The following PDIA4 variants were observed in gnomAD, a reference collection of about 807,000 sequenced individuals.
The protein encoded by PDIA4 is protein disulfide isomerase family A member 4.
Under a neutral mutation model 62.1 loss-of-function variants are expected in PDIA4, and 33 were observed. That is an observed-to-expected ratio of 0.53 (90% CI 0.40 to 0.71). The LOEUF is 0.71. PDIA4 is among the 30% of genes least tolerant of loss of function. The pLI is 0.00. For missense variants in PDIA4, 804 were observed against 813.6 expected, an observed-to-expected ratio of 0.99 and a Z score of 0.14; for synonymous variants, 341 against 324.1, an observed-to-expected ratio of 1.05 and a Z score of -0.56.
At chr7:149,011,657 C>A (rs1823948768) in intron 6 of PDIA4, among the ~76,000 whole-genome samples, 189 bp downstream of exon 6, 1 of 152,172 alleles carries the variant, frequency 6.6e-6, no homozygotes, top group African/African-American at 2.4e-5. Context: ...GCACCGAGGC[C>A]AGGAGGGCCA....
At chr7:149,018,026 G>A (rs184883649) in intron 3 of PDIA4, among the ~76,000 whole-genome samples, 55 of 152,280 alleles carry the variant, frequency 3.6e-4, no homozygotes, top group African/African-American at 1.3e-3. Flanking sequence ...TCAGGAGATC[G>A]AGACCATCCT....
chr7:149,023,815 G>A (rs1824441754), intron 1 of PDIA4, among the ~76,000 whole-genome samples: 1 of 152,138 alleles, frequency 6.6e-6, no homozygotes, highest in Admixed American at 6.5e-5. Flanking sequence ...AAACAAAGAC[G>A]TCTTCTTACC....
chr7:149,017,775 C>T (rs1824195247), intron 3 of PDIA4, among the ~76,000 whole-genome samples: 1 of 151,854 alleles, frequency 6.6e-6, no homozygotes. Context: ...TAATAAAATG[C>T]ATGTAGTGTC....
At chr7:149,023,833 G>A (rs982904264) in intron 1 of PDIA4, among the ~76,000 whole-genome samples, 4 of 152,106 alleles carry the variant, frequency 2.6e-5, no homozygotes, top group East Asian at 1.9e-4. Flanking sequence ...ACCTATGGTC[G>A]GCCTCAAGTG....
At chr7:149,006,644 G>A (rs1823767152) in intron 7 of PDIA4, among the ~76,000 whole-genome samples, 1 of 152,208 alleles carries the variant, frequency 6.6e-6, no homozygotes, top group Non-Finnish European at 1.5e-5. Flanking sequence ...CTGGTGAGAA[G>A]GGAGCAGAAG....
At chr7:149,007,313 C>T (rs1398700359) in intron 7 of PDIA4, among the ~76,000 whole-genome samples, 1 of 152,152 alleles carries the variant, frequency 6.6e-6, no homozygotes, top group African/African-American at 2.4e-5. Context: ...CTGTCACACC[C>T]CCTGCTCCAG....
rs1189129272 is a variant in PDIA4 at position 149,014,957 on chromosome 7, A to G, written c.561T>C (p.Phe187=). 5 of 1,614,134 alleles carry G rather than the reference A, an allele frequency of 3.1e-6. No individual in the cohort carries two copies. The East Asian group carries it at 6.7e-5, about 22-fold the overall frequency. ...TATCTGCATCATTCACAACTTCATC[A>G]AAGTTCTCTTTGGTCAACACAAGCG... ...EVTLVLTKEN[F]DEVVNDADII... The change falls in exon 4 of 10, where the codon TTT becomes TTC. Residue 187 remains phenylalanine (F), a synonymous_variant. Transcript: ENST00000652332.
At chr7:149,006,459 G>A (rs1434121166) in intron 7 of PDIA4, among the ~76,000 whole-genome samples, 2 of 152,208 alleles carry the variant, frequency 1.3e-5, no homozygotes, top group Non-Finnish European at 2.9e-5. Context: ...ACTTCACAAC[G>A]ACTGGAGTCC....
chr7:149,020,202 C>T (rs1175132529), intron 2 of PDIA4, among the ~76,000 whole-genome samples: 1 of 152,210 alleles, frequency 6.6e-6, no homozygotes, highest in Non-Finnish European at 1.5e-5. Flanking sequence ...CTCAAGTGAT[C>T]TGCCCGCCTT....
At chr7:149,015,476 C>T (rs1229254902) in intron 3 of PDIA4, among the ~76,000 whole-genome samples, 6 of 124,642 alleles carry the variant, frequency 4.8e-5, no homozygotes, top group Non-Finnish European at 1.6e-5. Flanking sequence ...ATATTACATA[C>T]GTCATAAGAT....
At chr7:149,007,080 G>C (rs1004697743) in intron 7 of PDIA4, among the ~76,000 whole-genome samples, 8 of 152,110 alleles carry the variant, frequency 5.3e-5, no homozygotes, top group Non-Finnish European at 1.0e-4. Flanking sequence ...AAGTGAAGCT[G>C]GGGGGAGGGG....
intron 6 of PDIA4, among the ~76,000 whole-genome samples, chr7:149,011,593 G>A (rs111462269): frequency 6.6e-6 from 1 of 152,138 alleles, no homozygotes; most frequent in Non-Finnish European, 1.5e-5. Context: ...TGCCCTCCTC[G>A]GGCTCTGGAA....
Position 149,003,959 on chromosome 7 carries a change from G to A in PDIA4, c.1773C>T (p.Pro591=). ...AGCCCTCCACCTTATAGCGGTCGCT[G>A]GGGACGTCGTTGGCAGTGGCGTCCA... The part of the protein sequence containing the change: ...AKMDATANDV[P]SDRYKVEGFP... Residue 591 remains proline (P), a synonymous_variant, in exon 10 of 10, where the codon CCC becomes CCT. Transcript: ENST00000652332. 2.5e-6 allele frequency: 4 copies of A among 1,613,294 alleles called. No individual in the cohort carries two copies. Among genetic ancestry groups the A allele is most frequent in the Non-Finnish European group, 3.4e-6 (4 of 1,179,400 alleles).
intron 1 of PDIA4, among the ~76,000 whole-genome samples, chr7:149,022,296 G>C (rs990857163): frequency 1.3e-5 from 2 of 152,104 alleles, no homozygotes; most frequent in African/African-American, 4.8e-5. Context: ...GAAATTGATG[G>C]GGTCAACATG....
At chr7:149,020,497 GT>G (rs898848919) in intron 2 of PDIA4, among the ~76,000 whole-genome samples, 7 of 152,164 alleles carry the variant, frequency 4.6e-5, no homozygotes, top group Non-Finnish European at 1.0e-4. Context: ...TGCCTGACTG[GT>G]CCCCCCGCAG....
intron 3 of PDIA4, among the ~76,000 whole-genome samples, chr7:149,017,597 C>T (rs1824182552): frequency 8.2e-6 from 1 of 122,416 alleles, no homozygotes; most frequent in South Asian, 3.1e-4. Context: ...AAATTAAATA[C>T]ATTTTATCAA....
At position 149,005,934 on chromosome 7, in the gene PDIA4, G is replaced by A. The variant is rs760552379; in HGVS notation, c.1251C>T (p.Val417=). Reference sequence around the variant, plus strand: ...CAAAGCTGAAGTCCACACTGTAGTAGACGACCACCAGGGGGCGCCTGGTGT... The same window carrying A: ...CAAAGCTGAAGTCCACACTGTAGTAAACGACCACCAGGGGGCGCCTGGTGT... ...KRYTRRPLVV[V]YYSVDFSFDY... Residue 417 remains valine (V), a synonymous_variant, in exon 8 of 10, where the codon GTC becomes GTT. Coordinates refer to ENST00000652332, the MANE Select transcript of PDIA4 (RefSeq NM_004911.5). 2.6e-6 allele frequency: 4 copies of A among 1,535,266 alleles called. No homozygotes were observed. The East Asian group carries it at 7.6e-5, about 29-fold the overall frequency.
intron 8 of PDIA4, 76 bp from the exon 9 acceptor site, chr7:149,005,450 A>C: frequency 2.2e-6 from 2 of 897,916 alleles, no homozygotes; most frequent in South Asian, 2.7e-5. Flanking sequence ...GTCAGGCTTC[A>C]GGTCCTGTCG....
intron 6 of PDIA4, among the ~76,000 whole-genome samples, chr7:149,010,954 G>A (rs1585416600): frequency 6.6e-6 from 1 of 152,200 alleles, no homozygotes; most frequent in Non-Finnish European, 1.5e-5. Context: ...GTGGGTTGGG[G>A]TTTCCTTCTG....
Sources: gnomAD v4.1 joint callset for allele counts (sites outside exome capture counted in the v4.1 genomes callset) on GRCh38, gnomAD v4.1.1 for gene constraint, MANE v1.5 for transcripts, NCBI Gene and HGNC (gene_info 2026-07-23, HGNC 2026-07-21) for gene names.